Variants in SLC30A8 observed in about 807,000 individuals in gnomAD.
SLC30A8 encodes proton-coupled zinc antiporter SLC30A8.
A neutral mutation model predicts 36.9 loss-of-function variants in SLC30A8; 27 were observed. The observed-to-expected ratio is 0.73, with a 90% CI of 0.54 to 1.01. The LOEUF is 1.01. SLC30A8 is among the 50% of genes least tolerant of loss of function. SLC30A8 has a pLI of 0.00. For missense variants in SLC30A8, 439 were observed against 452.0 expected (o/e 0.97, Z 0.26); for synonymous variants, 164 against 172.4 (o/e 0.95, Z 0.38).
intron 5 of SLC30A8, among the ~76,000 whole-genome samples, chr8:117,162,545 CAG>C (rs1239119075): frequency 1.3e-5 from 2 of 152,130 alleles, no homozygotes; most frequent in Non-Finnish European, 2.9e-5. Context: ...ATACTGATAA[CAG>C]AGATGGGTTA....
At chr8:117,007,645 A>G (rs905935497) in intron 1 of SLC30A8, among the ~76,000 whole-genome samples, 3 of 152,172 alleles carry the variant, frequency 2.0e-5, no homozygotes, top group African/African-American at 7.2e-5. Context: ...AGATAACACT[A>G]AAGGTTTTGC....
intron 1 of SLC30A8, among the ~76,000 whole-genome samples, chr8:116,988,516 C>T (rs12542825): frequency 0.38 from 57,851 of 151,954 alleles, 12,011 homozygotes; most frequent in South Asian, 0.49. Flanking sequence ...CACATAATTA[C>T]CTTCTGTTCA....
intron 2 of SLC30A8, among the ~76,000 whole-genome samples, chr8:117,105,161 G>T (rs1477594995): frequency 6.6e-6 from 1 of 152,016 alleles, no homozygotes; most frequent in African/African-American, 2.4e-5. Flanking sequence ...AACCTCCTGG[G>T]AATGCAGCGC....
Position 117,169,263 on chromosome 8 carries a change from A to G in SLC30A8, c.830-1771A>G, listed in dbSNP as rs1156745848. Among the ~76,000 whole-genome samples the G allele has an allele frequency of 6.6e-5, 10 of 152,182 alleles. No homozygotes were observed. The East Asian group carries it at 1.7e-3, about 26-fold the overall frequency. ...AGGGAATTTTGAGTTAACTCCAAGG[A>G]GGAAATCCCCCATGAGCAAGGTTCT... On this transcript the variant is annotated intron_variant, in intron 6 of 7. Coordinates refer to ENST00000456015, the MANE Select transcript of SLC30A8 (RefSeq NM_173851.3).
At chr8:117,064,516 G>A (rs551108802) in intron 2 of SLC30A8, among the ~76,000 whole-genome samples, 109 of 152,292 alleles carry the variant, frequency 7.2e-4, no homozygotes, top group African/African-American at 2.5e-3. Flanking sequence ...ATATTACAGC[G>A]AGATCTCAGA....
chr8:116,961,001 G>A lies in SLC30A8; in HGVS notation c.-266+9882G>A, dbSNP rs1814398136. ...TATTATTAGTACAGAAGGAAGGAAG[G>A]AAGGAAAGAAGGAAGGGAGGTGGGG... On this transcript the variant is annotated intron_variant, in intron 1 of 10. Transcript: ENST00000427715. 2.6e-5 allele frequency among the ~76,000 whole-genome samples: 4 copies of A among 151,844 alleles called. No homozygotes were observed. The South Asian group carries it at 8.3e-4, about 32-fold the overall frequency.
At chr8:117,133,993 T>C (rs1821246446), upstream of SLC30A8, among the ~76,000 whole-genome samples, 1 of 151,916 alleles carries the variant, frequency 6.6e-6, no homozygotes, top group Non-Finnish European at 1.5e-5. Flanking sequence ...AATCTTAAGA[T>C]AATAAGAGGT....
At chr8:117,018,920 C>T (rs537545942) in intron 1 of SLC30A8, among the ~76,000 whole-genome samples, 1 of 152,176 alleles carries the variant, frequency 6.6e-6, no homozygotes, top group Admixed American at 6.5e-5. Flanking sequence ...ACCTCGGCCT[C>T]CCAAAGTGTT....
At chr8:116,988,383 A>C (rs979442682) in intron 1 of SLC30A8, among the ~76,000 whole-genome samples, 8 of 152,142 alleles carry the variant, frequency 5.3e-5, no homozygotes, top group African/African-American at 1.9e-4. Context: ...CTGGCTAGCA[A>C]TCCAGTCCCC....
intron 2 of SLC30A8, among the ~76,000 whole-genome samples, chr8:117,147,984 A>G (rs928965338): frequency 6.6e-6 from 1 of 151,948 alleles, no homozygotes; most frequent in Non-Finnish European, 1.5e-5. Context: ...TTAGTTCTCT[A>G]TATTGATCTC....
At chr8:117,077,786 C>G (rs1818536584) in intron 2 of SLC30A8, among the ~76,000 whole-genome samples, 1 of 152,144 alleles carries the variant, frequency 6.6e-6, no homozygotes, top group African/African-American at 2.4e-5. Flanking sequence ...CACTAGAAAC[C>G]AATTGTTCAG....
chr8:117,006,564 C>T (rs916294454), intron 1 of SLC30A8, among the ~76,000 whole-genome samples: 4 of 151,956 alleles, frequency 2.6e-5, no homozygotes, highest in Admixed American at 6.6e-5. Context: ...GCTGGGAAAG[C>T]GAGTGTCTGA....
chr8:117,101,651 G>A (rs1819728399), intron 2 of SLC30A8, among the ~76,000 whole-genome samples: 1 of 152,146 alleles, frequency 6.6e-6, no homozygotes. Flanking sequence ...TCAGTGGACT[G>A]GGAAAGGCAG....
At chr8:117,037,371 C>T (rs150675129) in intron 1 of SLC30A8, among the ~76,000 whole-genome samples, 168 of 152,226 alleles carry the variant, frequency 1.1e-3, no homozygotes, top group African/African-American at 3.5e-3. Context: ...TAGAGGTTTT[C>T]GAAGACTAAC....
intron 1 of SLC30A8, among the ~76,000 whole-genome samples, chr8:117,004,404 A>G (rs1816107411): frequency 6.6e-6 from 1 of 152,236 alleles, no homozygotes; most frequent in Admixed American, 6.5e-5. Flanking sequence ...TGGGAAATAT[A>G]CACTAAGCTG....
chr8:117,091,568 G>A (rs751182850), intron 2 of SLC30A8, among the ~76,000 whole-genome samples: 9 of 152,242 alleles, frequency 5.9e-5, no homozygotes, highest in East Asian at 1.9e-4. Flanking sequence ...TATCTTGGTG[G>A]TAAGGGAAAT....
chr8:116,966,209 G>A (rs931675311), intron 1 of SLC30A8, among the ~76,000 whole-genome samples: 1 of 152,144 alleles, frequency 6.6e-6, no homozygotes, highest in African/African-American at 2.4e-5. Context: ...CTGAAGCATG[G>A]TATAAAGATG....
intron 1 of SLC30A8, among the ~76,000 whole-genome samples, chr8:117,021,217 G>C (rs1250270038): frequency 6.6e-6 from 1 of 152,158 alleles, no homozygotes; most frequent in East Asian, 1.9e-4. Flanking sequence ...TTTTCAAAAA[G>C]GTTTGCTGCC....
chr8:117,121,311 TAA>T (rs1820685123), intron 2 of SLC30A8, among the ~76,000 whole-genome samples: 1 of 151,876 alleles, frequency 6.6e-6, no homozygotes, highest in South Asian at 2.1e-4. Context: ...TATTCAATCT[TAA>T]AAAGGAAGGG....
Sources: gnomAD v4.1 joint callset for allele counts (sites outside exome capture counted in the v4.1 genomes callset) on GRCh38, gnomAD v4.1.1 for gene constraint, MANE v1.5 for transcripts, NCBI Gene and HGNC (gene_info 2026-07-23, HGNC 2026-07-21) for gene names.